The following KAT8 variants were observed in gnomAD, a reference collection of about 807,000 sequenced individuals.
KAT8 encodes the protein lysine acetyltransferase 8.
KAT8 carries 40 observed loss-of-function variants against 62.9 expected under a neutral mutation model. The observed-to-expected ratio is 0.64, with a 90% confidence interval of 0.49 to 0.83. The LOEUF is 0.83. KAT8 is among the 40% of genes least tolerant of loss of function. KAT8 has a pLI of 0.00. For missense variants in KAT8, 387 were observed against 614.8 expected (o/e 0.63, Z 3.92); for synonymous variants, 278 against 254.5 (o/e 1.09, Z -0.88).
At chr16:31,122,049 C>T (rs950346602) in intron 3 of KAT8, among the ~76,000 whole-genome samples, 2 of 152,198 alleles carry the variant, frequency 1.3e-5, no homozygotes, top group African/African-American at 4.8e-5. Context: ...CTGCGCCCGA[C>T]CAAGTCTCAG....
chr16:31,125,126 A>C (rs1234932005), intron 3 of KAT8, among the ~76,000 whole-genome samples: 1 of 151,586 alleles, frequency 6.6e-6, no homozygotes, highest in Non-Finnish European at 1.5e-5. Context: ...CAGAAGGCAG[A>C]GGTTGTGGTG....
chr16:31,130,795 C>G lies in KAT8; in HGVS notation c.1207C>G (p.Leu403Val). Reference sequence around the variant, plus strand: ...TGACATCATCAGTACCCTGCAATCCCTCAATATGGTCAAGTACTGGAAGGG... The same window carrying G: ...TGACATCATCAGTACCCTGCAATCCGTCAATATGGTCAAGTACTGGAAGGG... ...QNDIISTLQS[L>V]NMVKYWKGQH... The change falls in exon 10 of 11, where the codon CTC (leucine) becomes GTC (valine). Residue 403 changes from leucine (L) to valine (V), a missense_variant. By Grantham distance (32) the Leu-to-Val change is conservative. Transcript: ENST00000219797. 1 of 1,614,142 alleles carries G rather than the reference C, an allele frequency of 6.2e-7. No homozygotes were observed. Among genetic ancestry groups the G allele is most frequent in the Non-Finnish European group, 8.5e-7 (1 of 1,180,030 alleles).
chr16:31,129,415 C>T (rs1311319181), intron 6 of KAT8, among the ~76,000 whole-genome samples: 4 of 152,206 alleles, frequency 2.6e-5, no homozygotes, highest in South Asian at 2.1e-4. Context: ...GGAGCTTCAG[C>T]TTCCTCCTGA....
intron 6 of KAT8, among the ~76,000 whole-genome samples, chr16:31,128,841 T>C (rs1359966043): frequency 6.6e-6 from 1 of 152,222 alleles, no homozygotes; most frequent in African/African-American, 2.4e-5. Flanking sequence ...TCCTTGTTCC[T>C]GGCCCCGAAT....
Position 31,117,900 on chromosome 16 carries a change from CG to C in KAT8, c.211+12del. 1 of 776,558 alleles carries C rather than the reference CG, an allele frequency of 1.3e-6. No homozygotes were observed. Among genetic ancestry groups the C allele is most frequent in the South Asian group, 3.1e-5 (1 of 31,976 alleles). 48.1% of individuals were successfully genotyped at this position (776,558 alleles called of 1,614,324 possible). A position where few individuals can be genotyped will look rare whatever the true frequency, so the allele number is the denominator to read the frequency against. ...GACCGGATAGCACCTGGCGTGAGGG[CG>C]GGGCCCAGGGCTGGGGGCGGGGCGG... On this transcript the variant is annotated intron_variant, in intron 1 of 10. Transcript: ENST00000219797.
chr16:31,123,226 T>G (rs767776224), intron 3 of KAT8, among the ~76,000 whole-genome samples: 4 of 152,180 alleles, frequency 2.6e-5, no homozygotes, highest in Non-Finnish European at 5.9e-5. Flanking sequence ...ATTTTATTTT[T>G]ATTTTTTCGA....
At chr16:31,124,254 G>A (rs116516993) in intron 3 of KAT8, among the ~76,000 whole-genome samples, 1 of 152,206 alleles carries the variant, frequency 6.6e-6, no homozygotes, top group East Asian at 1.9e-4. Flanking sequence ...TGTGACCTTG[G>A]GCAAGTGACC....
intron 1 of KAT8, 53 bp from the exon 2 acceptor site, chr16:31,120,133 T>A (rs2057482326): frequency 6.8e-7 from 1 of 1,470,258 alleles, no homozygotes; most frequent in South Asian, 1.1e-5. Context: ...TGTGCAGGAT[T>A]CCTTTTGTTC....
At chr16:31,130,629 G>T in intron 9 of KAT8, 23 bp downstream of exon 9, 1 of 1,613,136 alleles carries the variant, frequency 6.2e-7, no homozygotes, top group South Asian at 1.1e-5. Flanking sequence ...CCCGGGCCCT[G>T]GGGGCAGGAC....
chr16:31,127,832 C>T (rs1018978200), intron 5 of KAT8, among the ~76,000 whole-genome samples: 2 of 152,216 alleles, frequency 1.3e-5, no homozygotes, highest in Admixed American at 1.3e-4. Flanking sequence ...CTCAAAACCC[C>T]ACCGTGCTGT....
chr16:31,131,080 G>T, intron 10 of KAT8, 115 bp from the exon 11 acceptor site: 1 of 1,525,746 alleles, frequency 6.6e-7, no homozygotes, highest in East Asian at 2.4e-5. Flanking sequence ...AGCACAGCCT[G>T]CCCTTTTGTT....
At chr16:31,128,196 T>A in intron 6 of KAT8, 57 bp downstream of exon 6, 1 of 1,334,694 alleles carries the variant, frequency 7.5e-7, no homozygotes, top group South Asian at 1.2e-5. Context: ...ACCTCCCAGA[T>A]GATCCTCATC....
At chr16:31,127,998 C>A in intron 5 of KAT8, 52 bp from the exon 6 acceptor site, 1 of 1,404,638 alleles carries the variant, frequency 7.1e-7, no homozygotes, top group Non-Finnish European at 1.0e-6. Flanking sequence ...GGTTGGGTGC[C>A]TCCTAGCAGA....
intron 3 of KAT8, among the ~76,000 whole-genome samples, chr16:31,123,117 A>G (rs2057509276): frequency 6.6e-6 from 1 of 152,146 alleles, no homozygotes; most frequent in Non-Finnish European, 1.5e-5. Context: ...CAGGAGATGG[A>G]GGTTGCAGTC....
intron 3 of KAT8, among the ~76,000 whole-genome samples, chr16:31,121,427 A>C (rs1482924722): frequency 6.6e-6 from 1 of 151,700 alleles, no homozygotes; most frequent in East Asian, 1.9e-4. Flanking sequence ...GGCCTAAGCT[A>C]AGTGTTTTAA....
rs899031653 is a variant in KAT8 at position 31,117,736 on chromosome 16, G to T, written c.55G>T (p.Gly19Trp). The change falls in exon 1 of 11, where the codon GGG (glycine) becomes TGG (tryptophan). Residue 19 changes from glycine to tryptophan, a missense_variant. This residue lies in a region of KAT8 where 92 missense variants were observed against 78.8 expected (regional missense o/e 1.17). Transcript: ENST00000219797. ...AVAAGTSGVAGEGEPGPGENA... is the reference protein window; with the variant it reads ...AVAAGTSGVAWEGEPGPGENA... ...TGCGGCGGGGACTTCAGGGGTCGCGGGGGAGGGCGAGCCCGGGCCCGGGGA... is the reference window on the plus strand; with the variant it reads ...TGCGGCGGGGACTTCAGGGGTCGCGTGGGAGGGCGAGCCCGGGCCCGGGGA... 7.3e-7 allele frequency: 1 copy of T among 1,375,448 alleles called. No homozygotes were observed. Among genetic ancestry groups the T allele is most frequent in the Non-Finnish European group, 9.5e-7 (1 of 1,057,278 alleles). The allele number at this position is 1,375,448 out of a possible 1,614,324, so 85.2% of individuals were successfully genotyped here.
chr16:31,120,016 T>C (rs4889621), intron 1 of KAT8, among the ~76,000 whole-genome samples, 170 bp from the exon 2 acceptor site: 150,140 of 152,266 alleles, frequency 0.99, 74,056 homozygotes, highest in East Asian at 1. Flanking sequence ...AATAACAGCC[T>C]CAACCTGATC....
intron 3 of KAT8, chr16:31,125,880 CTT>C (rs773290150): frequency 6.6e-6 from 1 of 152,162 alleles, no homozygotes; most frequent in Non-Finnish European, 1.5e-5. Context: ...TGGTGTGACT[CTT>C]AGTCTCTGCT....
chr16:31,128,597 A>G (rs981706756), intron 6 of KAT8, among the ~76,000 whole-genome samples: 10 of 151,746 alleles, frequency 6.6e-5, no homozygotes, highest in Non-Finnish European at 1.5e-5. Context: ...CTAGGCCTGT[A>G]GTTGGTGCAT....
Sources: allele counts gnomAD v4.1 joint callset (sites outside exome capture counted in the v4.1 genomes callset), GRCh38; gene constraint gnomAD v4.1.1; regional missense constraint gnomAD v4.1.1; transcripts MANE v1.5; gene names NCBI Gene and HGNC (gene_info 2026-07-23, HGNC 2026-07-21).